GPC6: variants seen among roughly 807,000 people sequenced by gnomAD.
The protein encoded by GPC6 is glypican 6.
In GPC6, 14 loss-of-function variants were observed where a neutral mutation model predicts 55.2. The observed-to-expected ratio is 0.25, with a 90% CI of 0.17 to 0.40. The LOEUF is 0.40. Ranked by LOEUF, GPC6 falls within the 10% of genes least tolerant of loss-of-function variation. GPC6 has a pLI of 1.00. For missense variants in GPC6, 641 were observed against 708.5 expected, an observed-to-expected ratio of 0.90 and a Z score of 1.08; for synonymous variants, 278 against 259.6, an observed-to-expected ratio of 1.07 and a Z score of -0.68.
At chr13:93,760,552 T>A (rs1380893979) in intron 2 of GPC6, among the ~76,000 whole-genome samples, 1 of 152,178 alleles carries the variant, frequency 6.6e-6, no homozygotes, top group East Asian at 1.9e-4. Context: ...GGTGGACTAA[T>A]GGGCAGGAAA....
intron 1 of GPC6, among the ~76,000 whole-genome samples, chr13:93,337,954 C>A (rs1420547636): frequency 6.6e-6 from 1 of 152,172 alleles, no homozygotes; most frequent in African/African-American, 2.4e-5. Flanking sequence ...AAATTCTCAG[C>A]GGAATTAAAT....
intron 1 of GPC6, among the ~76,000 whole-genome samples, chr13:93,246,125 C>A (rs149879949): frequency 6.6e-6 from 1 of 152,310 alleles, no homozygotes; most frequent in African/African-American, 2.4e-5. Flanking sequence ...CCTATCCTAG[C>A]CTCTCAGGCA....
At chr13:93,380,891 A>T (rs538755204) in intron 1 of GPC6, among the ~76,000 whole-genome samples, 4 of 152,128 alleles carry the variant, frequency 2.6e-5, no homozygotes, top group Admixed American at 2.6e-4. Flanking sequence ...CCCTGACTCT[A>T]TGCTCATTGA....
At chr13:94,214,107 T>C (rs1890162351) in intron 4 of GPC6, among the ~76,000 whole-genome samples, 1 of 152,226 alleles carries the variant, frequency 6.6e-6, no homozygotes, top group African/African-American at 2.4e-5. Flanking sequence ...TAACTGTGAA[T>C]AAAGATAATC....
intron 2 of GPC6, among the ~76,000 whole-genome samples, chr13:93,783,279 A>G (rs1241588444): frequency 6.6e-6 from 1 of 152,108 alleles, no homozygotes; most frequent in African/African-American, 2.4e-5. Flanking sequence ...TGTAAGGAAG[A>G]TATGTGTGCA....
intron 1 of GPC6, among the ~76,000 whole-genome samples, chr13:93,489,145 G>A (rs557563853): frequency 2.6e-5 from 4 of 151,574 alleles, no homozygotes; most frequent in East Asian, 4.4e-4. Context: ...ATTAATTTTT[G>A]TATAAGGTGT....
At chr13:93,405,037 G>A (rs554867193) in intron 1 of GPC6, among the ~76,000 whole-genome samples, 1 of 152,122 alleles carries the variant, frequency 6.6e-6, no homozygotes, top group Non-Finnish European at 1.5e-5. Flanking sequence ...TTCAGCGTGG[G>A]TATGATTATT....
intron 2 of GPC6, among the ~76,000 whole-genome samples, chr13:93,623,600 A>G (rs1426573983): frequency 1.3e-5 from 2 of 151,530 alleles, no homozygotes; most frequent in Non-Finnish European, 2.9e-5. Flanking sequence ...TTGGAATTAC[A>G]GGCACCCGCC....
chr13:93,327,732 T>C (rs904922330), intron 1 of GPC6, among the ~76,000 whole-genome samples: 2 of 151,560 alleles, frequency 1.3e-5, no homozygotes, highest in African/African-American at 4.8e-5. Context: ...GCATTCTTAG[T>C]GAAGTGCTTC....
intron 4 of GPC6, among the ~76,000 whole-genome samples, chr13:94,109,308 T>G (rs1023908910): frequency 1.3e-5 from 2 of 152,188 alleles, no homozygotes; most frequent in African/African-American, 4.8e-5. Flanking sequence ...CAAGCATAAC[T>G]TTATTGGATT....
At chr13:93,559,409 T>G (rs1227324044) in intron 2 of GPC6, among the ~76,000 whole-genome samples, 1 of 152,240 alleles carries the variant, frequency 6.6e-6, no homozygotes, top group Non-Finnish European at 1.5e-5. Flanking sequence ...GATCCTACTA[T>G]GTATATTCTA....
At chr13:93,373,757 T>C (rs1874772531) in intron 1 of GPC6, among the ~76,000 whole-genome samples, 1 of 152,254 alleles carries the variant, frequency 6.6e-6, no homozygotes, top group African/African-American at 2.4e-5. Flanking sequence ...TTATGAATTA[T>C]ATCTCTGACT....
chr13:93,384,396 TA>T (rs57368591), intron 1 of GPC6, among the ~76,000 whole-genome samples: 18 of 150,518 alleles, frequency 1.2e-4, no homozygotes, highest in South Asian at 4.2e-4. Flanking sequence ...TTTTTTTTTT[TA>T]AAAAAAAGGC....
intron 1 of GPC6, among the ~76,000 whole-genome samples, chr13:93,349,598 G>A (rs931267110): frequency 1.3e-5 from 2 of 152,144 alleles, no homozygotes; most frequent in Non-Finnish European, 2.9e-5. Context: ...AGCATATTTA[G>A]AAAGTTTCAG....
intron 2 of GPC6, among the ~76,000 whole-genome samples, chr13:93,654,263 T>G (rs1034478348): frequency 6.6e-6 from 1 of 152,066 alleles, no homozygotes; most frequent in African/African-American, 2.4e-5. Flanking sequence ...TACTATTTAT[T>G]TATTTTTTGA....
intron 1 of GPC6, among the ~76,000 whole-genome samples, chr13:93,399,666 TC>T (rs1326449826): frequency 2.6e-5 from 4 of 152,194 alleles, no homozygotes; most frequent in Admixed American, 6.5e-5. Context: ...ATGAATTTCT[TC>T]CCTCGGTAAG....
chr13:93,475,732 A>T (rs1313879147), intron 1 of GPC6, among the ~76,000 whole-genome samples: 1 of 152,248 alleles, frequency 6.6e-6, no homozygotes. Context: ...ATAAAACGCC[A>T]GAAATGCTTT....
At chr13:93,597,507 G>T (rs1267431944) in intron 2 of GPC6, among the ~76,000 whole-genome samples, 1 of 152,132 alleles carries the variant, frequency 6.6e-6, no homozygotes, top group East Asian at 1.9e-4. Context: ...AAACATTTAT[G>T]AATTACAGTT....
At chr13:93,389,323 C>G (rs1395754601) in intron 1 of GPC6, among the ~76,000 whole-genome samples, 5 of 150,854 alleles carry the variant, frequency 3.3e-5, no homozygotes, top group African/African-American at 1.2e-4. Flanking sequence ...TAGTGAAACC[C>G]CGTCTCTACT....
Sources: gnomAD v4.1 joint callset for allele counts (sites outside exome capture counted in the v4.1 genomes callset) on GRCh38, gnomAD v4.1.1 for gene constraint, MANE v1.5 for transcripts, NCBI Gene and HGNC (gene_info 2026-07-23, HGNC 2026-07-21) for gene names.